MARCHF11: variants seen among roughly 807,000 people sequenced by gnomAD.
MARCHF11 encodes E3 ubiquitin-protein ligase MARCHF11.
Under a neutral mutation model 37.3 loss-of-function variants are expected in MARCHF11, and 29 were observed. The observed-to-expected ratio is 0.78, with a 90% CI of 0.58 to 1.06. MARCHF11 has a LOEUF of 1.06. Among genes scored for constraint, MARCHF11 ranks in the 50% least tolerant of loss-of-function variants. The probability of loss-of-function intolerance (pLI) is 0.00; values close to 1 mark genes in which losing one functional copy is unlikely to be tolerated. For synonymous variants in MARCHF11, 233 were observed against 228.0 expected (o/e 1.02, Z -0.20); for missense variants, 482 against 533.4 (o/e 0.90, Z 0.95).
intron 3 of MARCHF11, among the ~76,000 whole-genome samples, chr5:16,082,396 G>C (rs1736626084): frequency 6.6e-6 from 1 of 152,186 alleles, no homozygotes; most frequent in South Asian, 2.1e-4. Context: ...TGAGCTACCA[G>C]AACATGCCAA....
intron 3 of MARCHF11, among the ~76,000 whole-genome samples, chr5:16,089,230 C>T (rs552995847): frequency 6.6e-6 from 1 of 152,026 alleles, no homozygotes; most frequent in Admixed American, 6.6e-5. Flanking sequence ...TTTTATTTTG[C>T]ATCTCCCCTT....
intron 2 of MARCHF11, among the ~76,000 whole-genome samples, chr5:16,091,924 G>T (rs541427015): frequency 2.0e-5 from 3 of 152,136 alleles, no homozygotes; most frequent in African/African-American, 7.2e-5. Flanking sequence ...AACAAGAATT[G>T]TTATTAAGGT....
intron 2 of MARCHF11, among the ~76,000 whole-genome samples, chr5:16,107,392 C>A (rs1241580585): frequency 6.6e-6 from 1 of 151,744 alleles, no homozygotes; most frequent in Admixed American, 6.6e-5. Context: ...TATGTCCCTA[C>A]TGAAGCATAA....
At chr5:16,160,242 T>A (rs900805184) in intron 2 of MARCHF11, among the ~76,000 whole-genome samples, 2 of 146,846 alleles carry the variant, frequency 1.4e-5, no homozygotes, top group East Asian at 2.0e-4. Context: ...ATATTTTATA[T>A]CTTTTATAAT....
intron 3 of MARCHF11, among the ~76,000 whole-genome samples, chr5:16,085,240 T>C (rs917237976): frequency 6.6e-6 from 1 of 151,982 alleles, no homozygotes; most frequent in Admixed American, 6.6e-5. Flanking sequence ...ACTCCTAAAG[T>C]GTGCTGAAGA....
chr5:16,154,607 G>T (rs1177852593), intron 2 of MARCHF11, among the ~76,000 whole-genome samples: 2 of 151,846 alleles, frequency 1.3e-5, no homozygotes, highest in Non-Finnish European at 2.9e-5. Context: ...AAAAGGGAGG[G>T]GGGGGAGGAA....
intron 2 of MARCHF11, among the ~76,000 whole-genome samples, chr5:16,095,153 A>C (rs1294602824): frequency 6.6e-6 from 1 of 152,096 alleles, no homozygotes; most frequent in South Asian, 2.1e-4. Flanking sequence ...CAGTGCCATG[A>C]CAGTTCTCCT....
At chr5:16,098,919 C>T (rs1001692674) in intron 2 of MARCHF11, among the ~76,000 whole-genome samples, 1 of 151,990 alleles carries the variant, frequency 6.6e-6, no homozygotes, top group African/African-American at 2.4e-5. Context: ...AAAAGATAAT[C>T]TACAAACTGT....
chr5:16,134,032 C>T (rs887360739), intron 2 of MARCHF11, among the ~76,000 whole-genome samples: 3 of 152,110 alleles, frequency 2.0e-5, no homozygotes, highest in African/African-American at 7.2e-5. Flanking sequence ...ACATCATAAA[C>T]TAGTCAACTC....
chr5:16,138,712 G>C (rs1336039791), intron 2 of MARCHF11, among the ~76,000 whole-genome samples: 1 of 152,242 alleles, frequency 6.6e-6, no homozygotes, highest in Non-Finnish European at 1.5e-5. Context: ...AGCCACAGGG[G>C]TGGAGCTGCC....
chr5:16,143,635 CA>C (rs1737754058), intron 2 of MARCHF11, among the ~76,000 whole-genome samples: 2 of 152,254 alleles, frequency 1.3e-5, no homozygotes, highest in Admixed American at 6.5e-5. Context: ...TTCCAACTAA[CA>C]AAGGCATTTT....
intron 2 of MARCHF11, among the ~76,000 whole-genome samples, chr5:16,096,629 A>T (rs1429888964): frequency 6.6e-6 from 1 of 152,210 alleles, no homozygotes; most frequent in Non-Finnish European, 1.5e-5. Context: ...TCAATGAAGT[A>T]TGACTAATTA....
At chr5:16,146,100 G>C (rs547490388) in intron 2 of MARCHF11, among the ~76,000 whole-genome samples, 30 of 152,202 alleles carry the variant, frequency 2.0e-4, no homozygotes, top group Non-Finnish European at 3.5e-4. Flanking sequence ...AAAATGTCTT[G>C]ATTTTGTAAA....
Position 16,107,332 on chromosome 5 carries a change from TG to T in MARCHF11, c.694-16252del, listed in dbSNP as rs61540331. 7.6e-3 allele frequency among the ~76,000 whole-genome samples: 1,048 copies of T among 137,804 alleles called. 25 individuals are homozygous for T. The highest frequency in any genetic ancestry group is 0.024 in the East Asian group (107 of 4,528). The allele number at this position is 137,804 out of a possible 152,430, so 90.4% of individuals were successfully genotyped here. On this transcript the variant is annotated intron_variant, in intron 2 of 3. Transcript: ENST00000332432. Reference sequence around the variant, plus strand: ...GAGGAGGGCTTGATGGAAGCACTATTGTTTTTTTTTTTGAAAATCAGATTAC... The same window carrying T: ...GAGGAGGGCTTGATGGAAGCACTATTTTTTTTTTTTTGAAAATCAGATTAC...
intron 3 of MARCHF11, among the ~76,000 whole-genome samples, chr5:16,085,481 G>A (rs115817648): frequency 2.0e-5 from 3 of 149,420 alleles, no homozygotes; most frequent in Non-Finnish European, 3.0e-5. Context: ...AAAACTACTC[G>A]AATGGTTAAG....
intron 2 of MARCHF11, among the ~76,000 whole-genome samples, chr5:16,142,523 C>G (rs1339615985): frequency 6.6e-6 from 1 of 152,008 alleles, no homozygotes; most frequent in Admixed American, 6.6e-5. Context: ...CCTAAGGAAT[C>G]AAACTACCTG....
chr5:16,160,247 T>C (rs1412325088), intron 2 of MARCHF11, among the ~76,000 whole-genome samples: 3 of 145,608 alleles, frequency 2.1e-5, no homozygotes, highest in Non-Finnish European at 4.5e-5. Context: ...TTATATCTTT[T>C]ATAATTTTAT....
intron 2 of MARCHF11, among the ~76,000 whole-genome samples, chr5:16,126,058 T>TA (rs1737401162): frequency 6.6e-6 from 1 of 152,220 alleles, no homozygotes; most frequent in Non-Finnish European, 1.5e-5. Context: ...CCTTAACTGT[T>TA]AGAGTTGTTA....
intron 2 of MARCHF11, among the ~76,000 whole-genome samples, chr5:16,131,124 A>G (rs569569281): frequency 1.3e-4 from 20 of 152,370 alleles, no homozygotes; most frequent in African/African-American, 3.8e-4. Flanking sequence ...AATATTAAGG[A>G]AAGTGCTATA....
Sources: gnomAD v4.1 joint callset for allele counts (sites outside exome capture counted in the v4.1 genomes callset) on GRCh38, gnomAD v4.1.1 for gene constraint, MANE v1.5 for transcripts, NCBI Gene and HGNC (gene_info 2026-07-23, HGNC 2026-07-21) for gene names.